The following TNNI3K variants were observed in gnomAD, a reference collection of about 807,000 sequenced individuals.
TNNI3K encodes the protein TNNI3 interacting kinase.
TNNI3K carries 140 observed loss-of-function variants against 114.5 expected under a neutral mutation model. The observed-to-expected ratio is 1.22, with a 90% CI of 1.07 to 1.41. The LOEUF (loss-of-function observed/expected upper bound fraction) is 1.41. Among genes scored for constraint, TNNI3K ranks in the 40% most tolerant of loss-of-function variants. The probability of loss-of-function intolerance (pLI) is 0.00; values close to 1 mark genes in which losing one functional copy is unlikely to be tolerated. For synonymous variants in TNNI3K, 347 were observed against 347.5 expected, an observed-to-expected ratio of 1.00 and a Z score of 0.02; for missense variants, 1,125 against 1,007.6, an observed-to-expected ratio of 1.12 and a Z score of -1.58.
chr1:74,413,753 T>C (rs1191119735), intron 17 of TNNI3K, among the ~76,000 whole-genome samples: 2 of 152,208 alleles, frequency 1.3e-5, no homozygotes, highest in African/African-American at 4.8e-5. Flanking sequence ...ATTATTGTGT[T>C]ATTTCATGTT....
chr1:74,354,508 G>A (rs1018925991), intron 11 of TNNI3K, among the ~76,000 whole-genome samples: 2 of 151,610 alleles, frequency 1.3e-5, no homozygotes, highest in African/African-American at 2.4e-5. Context: ...AAGGGGGGGG[G>A]AAAGAAATAT....
intron 17 of TNNI3K, among the ~76,000 whole-genome samples, chr1:74,392,362 G>A (rs1181233142): frequency 1.3e-5 from 2 of 152,152 alleles, no homozygotes; most frequent in Non-Finnish European, 2.9e-5. Flanking sequence ...GCAGAGGTAG[G>A]AGCTCAGTAT....
intron 5 of TNNI3K, among the ~76,000 whole-genome samples, chr1:74,297,522 C>CGTGAGT (rs1553128511): frequency 4.1e-5 from 6 of 145,354 alleles, no homozygotes; most frequent in Admixed American, 3.5e-4. Flanking sequence ...TGTGTGTGTG[C>CGTGAGT]GTGTGTGTGT....
chr1:74,442,843 T>A lies in TNNI3K; in HGVS notation c.2011+3221T>A, dbSNP rs116270587. 7.9e-3 allele frequency among the ~76,000 whole-genome samples: 1,193 copies of A among 150,918 alleles called. 21 individuals are homozygous for A. Among genetic ancestry groups the A allele is most frequent in the African/African-American group, 0.028 (1,133 of 40,380 alleles). On this transcript the variant is annotated intron_variant, in intron 20 of 24. Transcript: ENST00000326637. ...TGGCCACGGCACAATCAAATTAGAA[T>A]TTAAGATTAAGAAACTCATTAAAAA...
intron 17 of TNNI3K, among the ~76,000 whole-genome samples, chr1:74,379,346 C>T (rs1663080686): frequency 6.6e-6 from 1 of 151,930 alleles, no homozygotes; most frequent in Non-Finnish European, 1.5e-5. Context: ...CACACACACA[C>T]ACACACACTT....
chr1:74,254,907 T>C (rs1655178083), intron 4 of TNNI3K, among the ~76,000 whole-genome samples: 2 of 152,194 alleles, frequency 1.3e-5, no homozygotes, highest in Admixed American at 6.5e-5. Flanking sequence ...TGTGTTCTGC[T>C]GCAAGGGTTT....
chr1:74,487,958 G>C (rs1047068938), intron 21 of TNNI3K, among the ~76,000 whole-genome samples: 1 of 152,084 alleles, frequency 6.6e-6, no homozygotes, highest in Non-Finnish European at 1.5e-5. Context: ...TCATGACAGG[G>C]TCTAGGGTAT....
intron 17 of TNNI3K, among the ~76,000 whole-genome samples, chr1:74,429,682 A>G (rs1240693200): frequency 6.6e-6 from 1 of 151,960 alleles, no homozygotes; most frequent in Non-Finnish European, 1.5e-5. Flanking sequence ...GAAGACCAGG[A>G]CTCCTTAGCA....
chr1:74,247,957 G>A (rs1006674255), intron 2 of TNNI3K, among the ~76,000 whole-genome samples: 1 of 151,998 alleles, frequency 6.6e-6, no homozygotes, highest in African/African-American at 2.4e-5. Flanking sequence ...AGGGGGTGGT[G>A]CCCGTCGGGG....
chr1:74,417,910 A>G (rs564675338), intron 17 of TNNI3K, among the ~76,000 whole-genome samples: 16 of 152,232 alleles, frequency 1.1e-4, no homozygotes, highest in African/African-American at 3.8e-4. Flanking sequence ...AAAATCTAAA[A>G]ATTACAAAAA....
intron 17 of TNNI3K, among the ~76,000 whole-genome samples, chr1:74,427,304 C>CT (rs11463713): frequency 0.78 from 114,569 of 147,196 alleles, 44,903 homozygotes; most frequent in East Asian, 0.96. Context: ...AAGTTGGAAA[C>CT]TTTTTTTTTT....
chr1:74,279,592 C>CAATGAGTG (rs147335823), intron 5 of TNNI3K, among the ~76,000 whole-genome samples: 1 of 151,548 alleles, frequency 6.6e-6, no homozygotes, highest in East Asian at 2.0e-4. Flanking sequence ...TAAATAGAAA[C>CAATGAGTG]AATGAATGAA....
At chr1:74,378,219 A>G (rs929252826) in intron 17 of TNNI3K, among the ~76,000 whole-genome samples, 5 of 152,090 alleles carry the variant, frequency 3.3e-5, no homozygotes, top group Non-Finnish European at 7.4e-5. Context: ...TTCTTAAAAA[A>G]GCAATCAACT....
chr1:74,436,291 C>A (rs1256138352), intron 18 of TNNI3K, among the ~76,000 whole-genome samples, 159 bp downstream of exon 18: 1 of 151,818 alleles, frequency 6.6e-6, no homozygotes, highest in African/African-American at 2.4e-5. Flanking sequence ...TTTCAATGAC[C>A]CTACATTTTG....
At chr1:74,530,909 GT>G (rs1372330879) in intron 23 of TNNI3K, among the ~76,000 whole-genome samples, 1 of 152,026 alleles carries the variant, frequency 6.6e-6, no homozygotes, top group African/African-American at 2.4e-5. Flanking sequence ...GTGTTGTTAG[GT>G]TACTGTTGAG....
At chr1:74,407,901 A>G (rs1664695783) in intron 17 of TNNI3K, among the ~76,000 whole-genome samples, 1 of 152,182 alleles carries the variant, frequency 6.6e-6, no homozygotes, top group South Asian at 2.1e-4. Flanking sequence ...TGCAGACCCT[A>G]CAGGTATATG....
chr1:74,464,555 A>C (rs1222179840), intron 21 of TNNI3K: 2 of 1,448,240 alleles, frequency 1.4e-6, no homozygotes, highest in Non-Finnish European at 1.8e-6. Flanking sequence ...TTCAGGAAAT[A>C]TCTCACTCAG....
chr1:74,274,721 T>G (rs1656564515), intron 5 of TNNI3K, among the ~76,000 whole-genome samples: 1 of 152,048 alleles, frequency 6.6e-6, no homozygotes, highest in Non-Finnish European at 1.5e-5. Flanking sequence ...GGGTTATATC[T>G]GAGTAAATCT....
Position 74,531,578 on chromosome 1 carries a change from G to C in TNNI3K, c.2352-8656G>C, listed in dbSNP as rs74095328. ...TCTGTTTTCAGCTAAATGCCAAAAG[G>C]ATGAGCCAGATGACTCTAGTAGCCT... On this transcript the variant is annotated intron_variant, in intron 23 of 24. Coordinates refer to ENST00000326637, the MANE Select transcript of TNNI3K (RefSeq NM_015978.3). 3.9e-3 allele frequency among the ~76,000 whole-genome samples: 599 copies of C among 152,248 alleles called. 2 individuals carry two copies. The highest frequency in any genetic ancestry group is 0.014 in the African/African-American group (572 of 41,570).
Sources: gnomAD v4.1 joint callset for allele counts (sites outside exome capture counted in the v4.1 genomes callset) on GRCh38, gnomAD v4.1.1 for gene constraint, MANE v1.5 for transcripts, NCBI Gene and HGNC (gene_info 2026-07-23, HGNC 2026-07-21) for gene names.